Variants in VPS13C observed in about 807,000 individuals in gnomAD.
The protein encoded by VPS13C is intermembrane lipid transfer protein VPS13C.
VPS13C carries 358 observed loss-of-function variants against 456.8 expected under a neutral mutation model. The observed-to-expected ratio is 0.78, with a 90% CI of 0.72 to 0.86. The LOEUF is 0.86. Ranked by LOEUF, VPS13C falls within the 40% of genes least tolerant of loss-of-function variation. The probability of loss-of-function intolerance (pLI) is 0.00; values close to 1 mark genes in which losing one functional copy is unlikely to be tolerated. For missense variants in VPS13C, 4,818 were observed against 4,385.4 expected (o/e 1.10, Z -2.79); for synonymous variants, 1,578 against 1,486.7 (o/e 1.06, Z -1.41).
chr15:61,860,084 T>C (rs1476987486), intron 82 of VPS13C, among the ~76,000 whole-genome samples: 1 of 152,070 alleles, frequency 6.6e-6, no homozygotes, highest in Non-Finnish European at 1.5e-5. Flanking sequence ...CAATAATACA[T>C]TTGACAAAAA....
chr15:62,008,308 G>A (rs539039190), intron 14 of VPS13C, among the ~76,000 whole-genome samples: 84 of 151,958 alleles, frequency 5.5e-4, no homozygotes, highest in Non-Finnish European at 9.4e-4. Context: ...GCTGAAGCAG[G>A]AGAATCGCTT....
At position 62,049,694 on chromosome 15, in the gene VPS13C, G is replaced by A. The variant is rs965360938; in HGVS notation, c.101-5439C>T. 9.9e-5 allele frequency among the ~76,000 whole-genome samples: 15 copies of A among 152,280 alleles called. 1 individual carries two copies. The highest frequency in any genetic ancestry group is 3.6e-4 in the African/African-American group (15 of 41,544). On this transcript the variant is annotated intron_variant, in intron 1 of 84. Transcript: ENST00000644861. Reference sequence around the variant, plus strand: ...TTGAAACTATAAATTACCTTGGGCAGTATGGCCATTTTCACAATATTGATT... The same window carrying A: ...TTGAAACTATAAATTACCTTGGGCAATATGGCCATTTTCACAATATTGATT...
intron 45 of VPS13C, among the ~76,000 whole-genome samples, 156 bp downstream of exon 45, chr15:61,945,559 T>A (rs1160301120): frequency 6.6e-6 from 1 of 152,206 alleles, no homozygotes; most frequent in African/African-American, 2.4e-5. Context: ...TTGGTTAACA[T>A]CATGAAAAGG....
At chr15:61,859,388 C>A (rs1894101164) in intron 82 of VPS13C, among the ~76,000 whole-genome samples, 1 of 152,024 alleles carries the variant, frequency 6.6e-6, no homozygotes, top group South Asian at 2.1e-4. Context: ...GCAGACTATA[C>A]CTTAAGCAAA....
At chr15:61,921,211 T>C (rs1393494174) in intron 55 of VPS13C, among the ~76,000 whole-genome samples, 1 of 152,116 alleles carries the variant, frequency 6.6e-6, no homozygotes, top group Non-Finnish European at 1.5e-5. Flanking sequence ...ATTACTTCTT[T>C]ATTGAGAGGA....
intron 66 of VPS13C, among the ~76,000 whole-genome samples, chr15:61,905,976 CT>C (rs1566987560): frequency 6.6e-6 from 1 of 152,080 alleles, no homozygotes. Flanking sequence ...TTTCGAAATG[CT>C]TCTTCTGGTC....
chr15:61,855,658 T>C (rs970429683), intron 83 of VPS13C, among the ~76,000 whole-genome samples: 1 of 152,096 alleles, frequency 6.6e-6, no homozygotes, highest in African/African-American at 2.4e-5. Context: ...GTTTCACTAA[T>C]AGAAATAACA....
At position 62,013,089 on chromosome 15, in the gene VPS13C, A is replaced by G; in HGVS notation, c.775T>C (p.Trp259Arg). ...LIRLDSLSAY[W>R]NVNCSMSYQR... ...TAAGACATGCTGCAATTTACATTCCAGTAGGCGCTAAGACTATCAAGTCGT... is the reference window on the plus strand; with the variant it reads ...TAAGACATGCTGCAATTTACATTCCGGTAGGCGCTAAGACTATCAAGTCGT... The change falls in exon 11 of 85, where the codon TGG becomes CGG. Residue 259 changes from tryptophan (W) to arginine (R), a missense_variant. Coordinates refer to ENST00000644861, the MANE Select transcript of VPS13C (RefSeq NM_020821.3). 6.2e-7 allele frequency: 1 copy of G among 1,610,966 alleles called. No homozygotes were observed. The highest frequency in any genetic ancestry group is 8.5e-7 in the Non-Finnish European group (1 of 1,178,324).
chr15:61,884,352 TA>T, intron 67 of VPS13C, 83 bp from the exon 68 acceptor site: 1 of 1,401,472 alleles, frequency 7.1e-7, no homozygotes, highest in South Asian at 1.4e-5. Context: ...TTATTGTAAC[TA>T]TTATTTTCCT....
intron 18 of VPS13C, among the ~76,000 whole-genome samples, chr15:61,988,085 T>C (rs930609995): frequency 4.6e-5 from 7 of 152,172 alleles, no homozygotes; most frequent in African/African-American, 1.4e-4. Flanking sequence ...TCAACATGGA[T>C]GAATATCAAA....
chr15:62,059,829 A>G (rs145852517), intron 1 of VPS13C, among the ~76,000 whole-genome samples: 1,598 of 152,304 alleles, frequency 0.01, 54 homozygotes, highest in Non-Finnish European at 8.2e-3. Flanking sequence ...GATAGTGAAG[A>G]TAACTGCGAG....
chr15:61,887,050 G>A (rs1896321473), intron 67 of VPS13C, among the ~76,000 whole-genome samples: 1 of 152,120 alleles, frequency 6.6e-6, no homozygotes, highest in Non-Finnish European at 1.5e-5. Flanking sequence ...AGTACTGGAA[G>A]TCCAAGATGT....
Position 61,915,935 on chromosome 15 carries a change from G to C in VPS13C, c.8143C>G (p.Leu2715Val). ...RISGEIMELVLVKYQGKNWNG... is the reference protein window; with the variant it reads ...RISGEIMELVVVKYQGKNWNG... ...CAGTTTTTGCCCTGGTATTTCACCA[G>C]GACTAATTCCATTATTTCACCACTG... The change falls in exon 61 of 85, where the codon CTG becomes GTG. Residue 2715 changes from leucine (L) to valine (V), a missense_variant. Leu to Val is a conservative substitution (Grantham distance 32, BLOSUM62 1). This residue lies in a region of VPS13C where 4,552 missense variants were observed against 4,130.6 expected (regional missense o/e 1.10). Transcript: ENST00000644861. The C allele has an allele frequency of 1.2e-6, 2 of 1,613,920 alleles. No individual in the cohort carries two copies. The highest frequency in any genetic ancestry group is 1.7e-6 in the Non-Finnish European group (2 of 1,179,966).
chr15:62,022,972 C>T (rs559944974), intron 8 of VPS13C, among the ~76,000 whole-genome samples: 1 of 151,884 alleles, frequency 6.6e-6, no homozygotes, highest in South Asian at 2.1e-4. Flanking sequence ...GTGTTCAATC[C>T]AACTCAGTGG....
chr15:62,012,467 C>T (rs1419285215), intron 11 of VPS13C, among the ~76,000 whole-genome samples: 2 of 151,934 alleles, frequency 1.3e-5, no homozygotes, highest in Admixed American at 1.3e-4. Context: ...CAGACACATT[C>T]TAGTCACAGG....
rs1567063409 is a variant in VPS13C, at chr15:61,974,412, TTAAATC to T, written c.2409-1_2413del. 3 of 1,611,500 alleles carry T rather than the reference TTAAATC, an allele frequency of 1.9e-6. No homozygotes were observed. The highest frequency in any genetic ancestry group is 1.1e-5 in the South Asian group (1 of 90,912). On this transcript the variant is annotated splice_acceptor_variant and coding_sequence_variant, in exon 25 of 85. Coordinates refer to ENST00000644861, the MANE Select transcript of VPS13C (RefSeq NM_020821.3). LOFTEE classifies it high-confidence loss of function. ...CATCAAAGGAAGTCCTCCTGACACT[TTAAATC>T]TAAAAATACAATTCAGTGGTTTTAA...
Position 62,033,434 on chromosome 15 carries a change from T to G in VPS13C, c.385+7A>C. 3 of 1,588,942 alleles carry G rather than the reference T, an allele frequency of 1.9e-6. No individual in the cohort carries two copies. The highest frequency in any genetic ancestry group is 2.6e-6 in the Non-Finnish European group (3 of 1,166,994). ...ATGTCTAAGTTTATCTCAAAAAAAC[T>G]TTTTACCTTTTTCTGCTGCTTTTTG... On this transcript the variant is annotated splice_region_variant and intron_variant, in intron 5 of 84. Transcript: ENST00000644861.
rs1893791985 is a variant in VPS13C at position 61,854,314 on chromosome 15, T to C, written c.*143A>G. ...AGTAAAAACTAAAAGGTGAAAAAACTAGAAAACCCAATACTAGCTATTCCA... is the reference window on the plus strand; with the variant it reads ...AGTAAAAACTAAAAGGTGAAAAAACCAGAAAACCCAATACTAGCTATTCCA... On this transcript the variant is annotated 3_prime_UTR_variant, in exon 85 of 85. Coordinates refer to ENST00000644861, the MANE Select transcript of VPS13C (RefSeq NM_020821.3). The C allele has an allele frequency of 3.9e-6, 3 of 776,550 alleles. No homozygotes were observed. The highest frequency in any genetic ancestry group is 1.7e-5 in the African/African-American group (1 of 57,286). The allele number at this position is 776,550 out of a possible 1,614,324, so 48.1% of individuals were successfully genotyped here. A position where few individuals can be genotyped will look rare whatever the true frequency, so the allele number is the denominator to read the frequency against.
At chr15:61,897,710 T>G (rs1198913230) in intron 66 of VPS13C, among the ~76,000 whole-genome samples, 1 of 152,100 alleles carries the variant, frequency 6.6e-6, no homozygotes, top group Admixed American at 6.5e-5. Context: ...TTCCCCAATC[T>G]AGTAAGACAG....
Sources: allele counts gnomAD v4.1 joint callset (sites outside exome capture counted in the v4.1 genomes callset), GRCh38; gene constraint gnomAD v4.1.1; regional missense constraint gnomAD v4.1.1; transcripts MANE v1.5; gene names NCBI Gene and HGNC (gene_info 2026-07-23, HGNC 2026-07-21).